Variants in TUBA4B observed in about 807,000 individuals in gnomAD.
The protein encoded by TUBA4B is tubulin-like protein alpha-4B.
Under a neutral mutation model 18.4 loss-of-function variants are expected in TUBA4B, and 13 were observed. That is an observed-to-expected ratio of 0.71 (90% CI 0.46 to 1.12). The LOEUF (loss-of-function observed/expected upper bound fraction) is 1.12. Among genes scored for constraint, TUBA4B ranks in the 50% most tolerant of loss-of-function variants. The pLI is 0.00. For synonymous variants in TUBA4B, 101 were observed against 99.1 expected, an observed-to-expected ratio of 1.02 and a Z score of -0.11; for missense variants, 244 against 250.0, an observed-to-expected ratio of 0.98 and a Z score of 0.16.
chr2:219,272,112 T>C lies in TUBA4B; in HGVS notation c.*413T>C. On this transcript the variant is annotated 3_prime_UTR_variant, in exon 4 of 4. Coordinates refer to ENST00000490341, the MANE Select transcript of TUBA4B (RefSeq NM_001355221.1). The stretch of plus-strand genomic sequence containing the variant: ...GGAGGTGGGCATGGATAGTGTGGAG[T>C]GGGGGGAAGAAAAGATAGGGGGGAT... 1.2e-6 allele frequency: 1 copy of C among 841,766 alleles called. No individual in the cohort carries two copies. 52.1% of individuals were successfully genotyped at this position (841,766 alleles called of 1,614,324 possible). A position where few individuals can be genotyped will look rare whatever the true frequency, so the allele number is the denominator to read the frequency against.
rs540986333 is a variant in TUBA4B at position 219,258,679 on chromosome 2, T to C, written c.12+5260T>C. ...AACTCCAGCCCTGGCAGATAACAAA[T>C]GTGTGTTGTTTTAAGCTATGATTTT... On this transcript the variant is annotated intron_variant, in intron 1 of 3. Transcript: ENST00000490341. Among the ~76,000 whole-genome samples, 128 of 152,208 alleles carry C rather than the reference T, an allele frequency of 8.4e-4. 1 individual carries two copies. The highest frequency in any genetic ancestry group is 1.5e-3 in the Non-Finnish European group (102 of 68,008).
intron 1 of TUBA4B, 149 bp from the exon 2 acceptor site, chr2:219,266,372 C>G (rs750804820): frequency 3.3e-6 from 2 of 604,666 alleles, no homozygotes; most frequent in South Asian, 2.0e-5. Context: ...GAGCTTGCCT[C>G]GTACTCTGTG....
chr2:219,267,984 G>A (rs1393934074), intron 2 of TUBA4B, among the ~76,000 whole-genome samples: 1 of 152,162 alleles, frequency 6.6e-6, no homozygotes, highest in Non-Finnish European at 1.5e-5. Context: ...TGGGTCTGTG[G>A]ACAGAACTGG....
At chr2:219,253,956 G>A (rs886528154) in intron 1 of TUBA4B, 8 of 1,182,454 alleles carry the variant, frequency 6.8e-6, no homozygotes, top group Admixed American at 7.8e-5. Flanking sequence ...TAGGCGGGGG[G>A]GGGGCGGGGC....
intron 1 of TUBA4B, among the ~76,000 whole-genome samples, chr2:219,265,085 T>C (rs564230650): frequency 6.6e-6 from 1 of 152,194 alleles, no homozygotes; most frequent in African/African-American, 2.4e-5. Context: ...TGGCTGGCCA[T>C]GGAACTGAAG....
At chr2:219,257,340 C>CTT (rs768367065) in intron 1 of TUBA4B, among the ~76,000 whole-genome samples, 10,137 of 92,410 alleles carry the variant, frequency 0.11, 858 homozygotes, top group African/African-American at 0.13. Context: ...TGCGCCCAGC[C>CTT]TTTTTTTTTT....
chr2:219,257,332 C>T (rs1390976970), intron 1 of TUBA4B, among the ~76,000 whole-genome samples: 4 of 144,212 alleles, frequency 2.8e-5, no homozygotes, highest in South Asian at 2.2e-4. Context: ...TGAGCCACTG[C>T]GCCCAGCCTT....
At chr2:219,269,564 A>C (rs1270161328) in intron 2 of TUBA4B, among the ~76,000 whole-genome samples, 1 of 152,110 alleles carries the variant, frequency 6.6e-6, no homozygotes, top group Non-Finnish European at 1.5e-5. Context: ...GCAGGCAGGA[A>C]CCATGTCCAG....
intron 2 of TUBA4B, among the ~76,000 whole-genome samples, chr2:219,269,355 T>C: frequency 6.6e-6 from 1 of 152,200 alleles, no homozygotes; most frequent in African/African-American, 2.4e-5. Context: ...ATGTTGCTCA[T>C]TGAGACAGGC....
intron 1 of TUBA4B, among the ~76,000 whole-genome samples, chr2:219,257,637 G>A (rs1390046257): frequency 1.2e-4 from 8 of 65,780 alleles, no homozygotes; most frequent in East Asian, 5.2e-4. Flanking sequence ...GAGAGACACT[G>A]TCTCAAAAAA....
At position 219,271,970 on chromosome 2, in the gene TUBA4B, G is replaced by A; in HGVS notation, c.*271G>A. Reference sequence around the variant, plus strand: ...TGGCCTGGGCCCGCCTGGACCACAAGTTTGACCTGATGTATGCCAAGAGGG... The same window carrying A: ...TGGCCTGGGCCCGCCTGGACCACAAATTTGACCTGATGTATGCCAAGAGGG... On this transcript the variant is annotated 3_prime_UTR_variant, in exon 4 of 4. Coordinates refer to ENST00000490341, the MANE Select transcript of TUBA4B (RefSeq NM_001355221.1). The A allele has an allele frequency of 6.6e-7, 1 of 1,522,748 alleles. No homozygotes were observed. The highest frequency in any genetic ancestry group is 1.1e-5 in the South Asian group (1 of 89,132). 94.3% of individuals were successfully genotyped at this position (1,522,748 alleles called of 1,614,324 possible). A position where few individuals can be genotyped will look rare whatever the true frequency, so the allele number is the denominator to read the frequency against.
chr2:219,268,536 T>C (rs563656226), intron 2 of TUBA4B, among the ~76,000 whole-genome samples: 1 of 152,314 alleles, frequency 6.6e-6, no homozygotes, highest in Non-Finnish European at 1.5e-5. Flanking sequence ...TTAATTCTCA[T>C]AGTTTTTCTA....
At chr2:219,260,551 G>T (rs10192300) in intron 1 of TUBA4B, among the ~76,000 whole-genome samples, 144,925 of 152,246 alleles carry the variant, frequency 0.95, 69,399 homozygotes, top group East Asian at 1. Context: ...GAAAGCCCAT[G>T]AGACATCTCA....
At chr2:219,257,361 T>TTTTTTTG (rs1951727876) in intron 1 of TUBA4B, among the ~76,000 whole-genome samples, 1 of 142,052 alleles carries the variant, frequency 7.0e-6, no homozygotes. Flanking sequence ...TTTTTTTTTT[T>TTTTTTTG]GAGGCAGGAT....
chr2:219,268,233 C>A (rs562038593), intron 2 of TUBA4B, among the ~76,000 whole-genome samples: 1 of 151,894 alleles, frequency 6.6e-6, no homozygotes, highest in South Asian at 2.1e-4. Context: ...CTCAGCCTCC[C>A]GAGTAGCTGG....
Position 219,254,034 on chromosome 2 carries a change from GC to G in TUBA4B, c.12+622del, listed in dbSNP as rs780817261. 8.8e-4 allele frequency: 502 copies of G among 570,374 alleles called. 2 individuals carry two copies. The highest frequency in any genetic ancestry group is 2.1e-3 in the South Asian group (54 of 25,828). The allele number at this position is 570,374 out of a possible 1,614,324, so 35.3% of individuals were successfully genotyped here. On this transcript the variant is annotated intron_variant, in intron 1 of 3. Transcript: ENST00000490341. ...GCCACGCCTCCCGGGAGGGTAAGCG[GC>G]CCCCCCGAGGGGCGGAGCCTGGCCT...
intron 1 of TUBA4B, chr2:219,253,946 T>G: frequency 3.3e-4 from 247 of 753,874 alleles, no homozygotes; most frequent in Middle Eastern, 4.3e-4. Context: ...ACCGCCCTTA[T>G]AGGCGGGGGG....
intron 1 of TUBA4B, among the ~76,000 whole-genome samples, chr2:219,256,116 A>T (rs1195157475): frequency 6.6e-6 from 1 of 152,228 alleles, no homozygotes; most frequent in Non-Finnish European, 1.5e-5. Context: ...CTCCTATCCT[A>T]GCAGAATGAA....
At chr2:219,256,629 A>C (rs1252573171) in intron 1 of TUBA4B, among the ~76,000 whole-genome samples, 1 of 152,210 alleles carries the variant, frequency 6.6e-6, no homozygotes, top group Non-Finnish European at 1.5e-5. Context: ...GGATTATCCC[A>C]GGTAGGCCCA....
Sources: gnomAD v4.1 joint callset for allele counts (sites outside exome capture counted in the v4.1 genomes callset) on GRCh38, gnomAD v4.1.1 for gene constraint, MANE v1.5 for transcripts, NCBI Gene and HGNC (gene_info 2026-07-23, HGNC 2026-07-21) for gene names.